APC: variants seen among roughly 807,000 people sequenced by gnomAD.
APC encodes adenomatous polyposis coli protein.
Under a neutral mutation model 247.0 loss-of-function variants are expected in APC, and 72 were observed. That is an observed-to-expected ratio of 0.29 (90% confidence interval 0.24 to 0.35). APC has a LOEUF of 0.35. APC is among the 10% of genes least tolerant of loss of function. The pLI, the probability that APC is intolerant of heterozygous loss-of-function variation, is 1.00. For missense variants in APC, 3,400 were observed against 3,360.7 expected (o/e 1.01, Z -0.29); for synonymous variants, 1,254 against 1,162.5 (o/e 1.08, Z -1.60).
At position 112,843,830 on chromosome 5, in the gene APC, G is replaced by A. The variant is rs1766687162; in HGVS notation, c.8236G>A (p.Val2746Ile). The A allele has an allele frequency of 1.2e-6, 2 of 1,614,058 alleles. No homozygotes were observed. ...TEIKPGQNNP[V>I]PVSETNESSI... ...GATAAAACCAGGACAAAATAATCCT[G>A]TCCCTGTATCAGAGACTAATGAAAG... The change falls in exon 16 of 16, where the codon GTC becomes ATC. Residue 2746 changes from valine (V) to isoleucine (I), a missense_variant. Val to Ile is a conservative substitution (Grantham distance 29). This residue lies in a region of APC where 1,788 missense variants were observed against 1,649.5 expected (regional missense o/e 1.08). Coordinates refer to ENST00000257430, the MANE Select transcript of APC (RefSeq NM_000038.6). This position sits in a 1 kb window ranked among gnomAD's most constrained non-coding sequence, Gnocchi z 4.8.
intron 8 of APC, among the ~76,000 whole-genome samples, chr5:112,810,567 C>G (rs75495165): frequency 6.6e-6 from 1 of 152,148 alleles, no homozygotes; most frequent in South Asian, 2.1e-4. Context: ...TAAAGAGTTA[C>G]GTAAGTTTCT....
intron 4 of APC, among the ~76,000 whole-genome samples, chr5:112,770,476 G>A (rs982900975): frequency 2.6e-5 from 4 of 151,894 alleles, no homozygotes; most frequent in African/African-American, 9.7e-5. Context: ...TTTTGTTTTC[G>A]TTTTTCTCCC....
chr5:112,737,876 C>T (rs1752503734), upstream of APC: 2 of 985,632 alleles, frequency 2.0e-6, no homozygotes, highest in Non-Finnish European at 2.4e-6. Context: ...TGCAGCCCGC[C>T]AGGGTGTCAC....
rs1174866478 is a variant in APC, at chr5:112,837,573, A to G, written c.1979A>G (p.Asn660Ser). The G allele has an allele frequency of 1.2e-6, 2 of 1,612,962 alleles. No individual in the cohort carries two copies. The highest frequency in any genetic ancestry group is 1.7e-6 in the Non-Finnish European group (2 of 1,179,018). The change falls in exon 16 of 16, where the codon AAC becomes AGC. Residue 660 changes from asparagine to serine, a missense_variant. Asn to Ser is a conservative substitution (Grantham distance 46, BLOSUM62 1). Around this residue, in one of 9 missense-constraint regions of APC, gnomAD observed 184 missense variants for 248.0 expected, o/e 0.74. Transcript: ENST00000257430. ...TTCAGGCAAATCCTAAGAGAGAACA[A>G]CTGTCTACAAACTTTATTACAACAC... ...EDHRQILRENNCLQTLLQHLK... is the reference protein window; with the variant it reads ...EDHRQILRENSCLQTLLQHLK...
At chr5:112,728,082 A>G (rs528740166) in intron 1 of APC, among the ~76,000 whole-genome samples, 20 of 146,504 alleles carry the variant, frequency 1.4e-4, no homozygotes, top group Non-Finnish European at 3.0e-4. Flanking sequence ...TTTTTTTGCA[A>G]TTTTTTTTTT....
At position 112,839,989 on chromosome 5, in the gene APC, T is replaced by A. The variant is rs779898882; in HGVS notation, c.4395T>A (p.Ser1465Arg). The change falls in exon 16 of 16, where the codon AGT (serine) becomes AGA (arginine). Residue 1465 changes from serine to arginine, a missense_variant. Ser to Arg is a moderately radical substitution (Grantham distance 110, BLOSUM62 -1). This residue lies in a region of APC where 1,788 missense variants were observed against 1,649.5 expected (regional missense o/e 1.08). Coordinates refer to ENST00000257430, the MANE Select transcript of APC (RefSeq NM_000038.6). This position sits in a 1 kb window ranked among gnomAD's most constrained non-coding sequence, Gnocchi z 5.0. ...NKAPTAEKRESGPKQAAVNAA... is the reference protein window; with the variant it reads ...NKAPTAEKRERGPKQAAVNAA... ...CACCTACTGCTGAAAAGAGAGAGAG[T>A]GGACCTAAGCAAGCTGCAGTAAATG... 6.2e-5 allele frequency: 100 copies of A among 1,613,558 alleles called. No individual in the cohort carries two copies. The highest frequency in any genetic ancestry group is 8.0e-5 in the Non-Finnish European group (94 of 1,179,910).
rs1159029162 is a variant in APC, at chr5:112,844,276, A to T, written c.*150A>T. ...GTTTTTGTTCTGGAAGCCATATTTG[A>T]TAGTATACTTTGTCTTCACTGGTCT... On this transcript the variant is annotated 3_prime_UTR_variant, in exon 16 of 16. Coordinates refer to ENST00000257430, the MANE Select transcript of APC (RefSeq NM_000038.6). 4.0e-6 allele frequency: 3 copies of T among 751,182 alleles called. No individual in the cohort carries two copies. The highest frequency in any genetic ancestry group is 6.3e-6 in the Non-Finnish European group (3 of 474,104). The allele number at this position is 751,182 out of a possible 1,614,324, so 46.5% of individuals were successfully genotyped here. A position where few individuals can be genotyped will look rare whatever the true frequency, so the allele number is the denominator to read the frequency against.
chr5:112,780,842 A>G lies in APC; in HGVS notation c.584A>G (p.Gln195Arg). 1.2e-6 allele frequency: 2 copies of G among 1,613,640 alleles called. No individual in the cohort carries two copies. The highest frequency in any genetic ancestry group is 1.1e-5 in the South Asian group (1 of 91,058). Residue 195 changes from glutamine (Q) to arginine (R), a missense_variant, in exon 6 of 16, where the codon CAA (glutamine) becomes CGA (arginine). This residue lies in a region of APC where 372 missense variants were observed against 367.6 expected (regional missense o/e 1.01). Coordinates refer to ENST00000257430, the MANE Select transcript of APC (RefSeq NM_000038.6). ...TRRQLEYEAR[Q>R]IRVAMEEQLG... The stretch of plus-strand genomic sequence containing the variant: ...AGGCAATTGGAATATGAAGCAAGGC[A>G]AATCAGAGTTGCGATGGAAGAACAA...
intron 1 of APC, among the ~76,000 whole-genome samples, chr5:112,711,831 T>C (rs1750871059): frequency 6.6e-6 from 1 of 152,242 alleles, no homozygotes. Context: ...AGCTCCCATT[T>C]ATCTGCTGTT....
chr5:112,759,511 C>T (rs1755415100), intron 2 of APC, among the ~76,000 whole-genome samples: 1 of 151,906 alleles, frequency 6.6e-6, no homozygotes, highest in Admixed American at 6.6e-5. Flanking sequence ...GCGTGCACCA[C>T]CACGCCCAGC....
At chr5:112,737,877 A>G, upstream of APC, 1 of 985,634 alleles carries the variant, frequency 1.0e-6, no homozygotes. Flanking sequence ...GCAGCCCGCC[A>G]GGGTGTCACT....
At position 112,792,472 on chromosome 5, in the gene APC, C is replaced by T. The variant is rs367816013; in HGVS notation, c.672C>T (p.Ile224=). 16 of 1,610,470 alleles carry T rather than the reference C, an allele frequency of 9.9e-6. No homozygotes were observed. Among genetic ancestry groups the T allele is most frequent in the African/African-American group, 4.0e-5 (3 of 74,824 alleles). The change falls in exon 7 of 16, where the codon ATC becomes ATT. Residue 224 remains isoleucine, a synonymous_variant. Transcript: ENST00000257430. ...AQRRIARIQQ[I]EKDILRIRQL... ...GAAGAATAGCCAGAATTCAGCAAAT[C>T]GAAAAGGACATACTTCGTATACGAC...
intron 8 of APC, among the ~76,000 whole-genome samples, chr5:112,806,087 G>A (rs555443828): frequency 6.6e-6 from 1 of 152,224 alleles, no homozygotes; most frequent in East Asian, 1.9e-4. Context: ...CCTGTTCCAT[G>A]TAGTGTTTGT....
intron 9 of APC, 119 bp from the exon 10 acceptor site, chr5:112,818,847 C>CT (rs1762785844): frequency 7.3e-6 from 5 of 685,390 alleles, no homozygotes; most frequent in East Asian, 3.8e-5. Flanking sequence ...TTTTTTTTGG[C>CT]GGGGGGGGTT....
Position 112,842,829 on chromosome 5 carries a change from A to C in APC, c.7235A>C (p.Lys2412Thr). ...ATGAATAATGGTAATGGAGCCAATA[A>C]AAAGGTAGAACTTTCTAGAATGTCT... ...NQMNNGNGAN[K>T]KVELSRMSST... Residue 2412 changes from lysine to threonine, a missense_variant, in exon 16 of 16, where the codon AAA becomes ACA. Coordinates refer to ENST00000257430, the MANE Select transcript of APC (RefSeq NM_000038.6). The C allele has an allele frequency of 6.2e-7, 1 of 1,613,828 alleles. No individual in the cohort carries two copies.
Position 112,713,134 on chromosome 5 carries a change from G to A in APC, c.165+5252G>A, listed in dbSNP as rs370293728. On this transcript the variant is annotated intron_variant, in intron 1 of 13. Coordinates refer to the APC transcript ENST00000507379. ...TGCAGTGAGCCAGGATTGCATCACT[G>A]CACTCCAGCCTGGGTGACAGAGCGA... Among the ~76,000 whole-genome samples the A allele has an allele frequency of 1.4e-4, 20 of 141,604 alleles. No individual in the cohort carries two copies. In the South Asian group the frequency reaches 4.6e-3, roughly 32 times the overall value. 92.9% of individuals were successfully genotyped at this position (141,604 alleles called of 152,430 possible).
In APC at chr5:112,838,066, A is replaced by G. The variant is rs746965994; in HGVS notation, c.2472A>G (p.Pro824=). Residue 824 remains proline (P), a synonymous_variant, in exon 16 of 16, where the codon CCA becomes CCG. Transcript: ENST00000257430. ...CTGGCAACATGACTGTCCTTTCACC[A>G]TATTTGAATACTACAGTGTTACCCA... ...FNTGNMTVLS[P]YLNTTVLPSS... 1.2e-6 allele frequency: 2 copies of G among 1,614,200 alleles called. No individual in the cohort carries two copies. Among genetic ancestry groups the G allele is most frequent in the Non-Finnish European group, 8.5e-7 (1 of 1,180,020 alleles).
intron 7 of APC, among the ~76,000 whole-genome samples, chr5:112,797,932 C>T (rs1760385960): frequency 6.6e-6 from 1 of 152,128 alleles, no homozygotes; most frequent in South Asian, 2.1e-4. Context: ...CAATAATAAG[C>T]ATTGACGAAG....
chr5:112,814,933 T>A (rs553068388), intron 8 of APC, among the ~76,000 whole-genome samples: 14 of 152,336 alleles, frequency 9.2e-5, no homozygotes, highest in African/African-American at 3.4e-4. Flanking sequence ...CCTCTAATAG[T>A]CCCTATGCAG....
Sources: gnomAD v4.1 joint callset for allele counts (sites outside exome capture counted in the v4.1 genomes callset) on GRCh38, gnomAD v4.1.1 for gene constraint, gnomAD v4.1.1 regional missense constraint, Gnocchi (gnomAD v3.1) non-coding constraint, MANE v1.5 for transcripts, NCBI Gene and HGNC (gene_info 2026-07-23, HGNC 2026-07-21) for gene names.